Variants in COL23A1 observed in about 807,000 individuals in gnomAD.
COL23A1 encodes the protein collagen type XXIII alpha 1 chain.
COL23A1 carries 97 observed loss-of-function variants against 99.3 expected under a neutral mutation model. That is an observed-to-expected ratio of 0.98 (90% CI 0.83 to 1.16). The LOEUF (loss-of-function observed/expected upper bound fraction) is 1.16, where lower values mean the gene tolerates loss of function less well. Ranked by LOEUF, COL23A1 falls within the 50% of genes most tolerant of loss-of-function variation. COL23A1 has a pLI of 0.00. For synonymous variants in COL23A1, 320 were observed against 308.2 expected (o/e 1.04, Z -0.40); for missense variants, 762 against 757.4 (o/e 1.01, Z -0.07).
chr5:178,301,956 G>T (rs1397552491), intron 3 of COL23A1, among the ~76,000 whole-genome samples: 1 of 38,862 alleles, frequency 2.6e-5, no homozygotes, highest in Non-Finnish European at 7.0e-5. Context: ...CTTCAATGCT[G>T]CACCTCTGTG....
Position 178,313,830 on chromosome 5 carries a change from G to A in COL23A1, c.362-6911C>T, listed in dbSNP as rs1758833720. Among the ~76,000 whole-genome samples, 1 of 152,116 alleles carries A rather than the reference G, an allele frequency of 6.6e-6. No homozygotes were observed. The highest frequency in any genetic ancestry group is 1.5e-5 in the Non-Finnish European group (1 of 68,016). ...TTGCTGGGGCTTCAGGGCCATCAGGGGGTGCACCTTGAGCAGAGAAGGCAA... is the reference window on the plus strand; with the variant it reads ...TTGCTGGGGCTTCAGGGCCATCAGGAGGTGCACCTTGAGCAGAGAAGGCAA... On this transcript the variant is annotated intron_variant, in intron 2 of 28. Coordinates refer to ENST00000390654, the MANE Select transcript of COL23A1 (RefSeq NM_173465.4). The surrounding 1 kb of genome is among the most constrained non-coding windows in gnomAD (Gnocchi z 4.2).
chr5:178,442,376 G>A (rs997581440), intron 2 of COL23A1, among the ~76,000 whole-genome samples: 4 of 152,138 alleles, frequency 2.6e-5, no homozygotes, highest in Admixed American at 1.3e-4. Flanking sequence ...AAAGATCACC[G>A]CCATCTCCAC....
intron 2 of COL23A1, among the ~76,000 whole-genome samples, chr5:178,518,673 G>A (rs539436847): frequency 0.046 from 5,219 of 113,846 alleles, 105 homozygotes; most frequent in African/African-American, 0.059. Flanking sequence ...GCGGCCGGGC[G>A]GAGACGCTCC....
At chr5:178,358,327 T>TA (rs1480538644) in intron 2 of COL23A1, among the ~76,000 whole-genome samples, 1 of 151,206 alleles carries the variant, frequency 6.6e-6, no homozygotes, top group Non-Finnish European at 1.5e-5. Context: ...TGTGTATGTG[T>TA]ATGTATGTCT....
intron 2 of COL23A1, among the ~76,000 whole-genome samples, chr5:178,496,215 ACT>A (rs1200289375): frequency 1.3e-4 from 19 of 151,878 alleles, no homozygotes; most frequent in Admixed American, 1.2e-3. Flanking sequence ...GTGTTAGTAT[ACT>A]CTCAACTCTC....
At chr5:178,400,447 G>A (rs992556098) in intron 2 of COL23A1, among the ~76,000 whole-genome samples, 1 of 97,422 alleles carries the variant, frequency 1.0e-5, no homozygotes, top group Admixed American at 1.2e-4. Flanking sequence ...TTTGACAATC[G>A]AGACACAGAA....
chr5:178,309,594 G>C lies in COL23A1; in HGVS notation c.362-2675C>G, dbSNP rs1013589621. 2.0e-5 allele frequency among the ~76,000 whole-genome samples: 3 copies of C among 151,972 alleles called. No homozygotes were observed. Among genetic ancestry groups the C allele is most frequent in the African/African-American group, 7.3e-5 (3 of 41,326 alleles). ...GTACCTAAATGTCCAACTCCACTGG[G>C]AGGCACCACTTCCAAACTCAAGCTC... On this transcript the variant is annotated intron_variant, in intron 2 of 28. Transcript: ENST00000390654. This position sits in a 1 kb window ranked among gnomAD's most constrained non-coding sequence, Gnocchi z 4.7.
intron 17 of COL23A1, among the ~76,000 whole-genome samples, chr5:178,250,611 T>A (rs1367126272): frequency 6.6e-6 from 1 of 152,206 alleles, no homozygotes; most frequent in Non-Finnish European, 1.5e-5. Context: ...TGTGTGCATA[T>A]AAAACATTCA....
intron 2 of COL23A1, among the ~76,000 whole-genome samples, chr5:178,443,637 T>TC (rs397883501): frequency 6.6e-6 from 1 of 151,516 alleles, no homozygotes; most frequent in Non-Finnish European, 1.5e-5. Context: ...TTTTTTTTTT[T>TC]CGTACAGACG....
chr5:178,508,535 A>T (rs1435273562), intron 2 of COL23A1, among the ~76,000 whole-genome samples: 1 of 152,178 alleles, frequency 6.6e-6, no homozygotes, highest in Non-Finnish European at 1.5e-5. Flanking sequence ...GGGGGGTGCC[A>T]CTGTGTTGCT....
chr5:178,445,561 T>C (rs983176499), intron 2 of COL23A1, among the ~76,000 whole-genome samples: 1 of 151,980 alleles, frequency 6.6e-6, no homozygotes, highest in Non-Finnish European at 1.5e-5. Flanking sequence ...CTGAAAAGAG[T>C]TGACATCTAA....
In COL23A1 at chr5:178,238,335, T is replaced by G. The variant is rs1764218928; in HGVS notation, c.*363A>C. The G allele has an allele frequency of 4.3e-6, 1 of 234,322 alleles. No individual in the cohort carries two copies. The highest frequency in any genetic ancestry group is 6.9e-5 in the South Asian group (1 of 14,476). The allele number at this position is 234,322 out of a possible 1,614,324, so 14.5% of individuals were successfully genotyped here. ...GTGTGTCCCAGGGACTCCAGAGTTT[T>G]GCGGGGGCAGGTTCTTACAGGGCAG... On this transcript the variant is annotated 3_prime_UTR_variant, in exon 29 of 29. Transcript: ENST00000390654.
chr5:178,572,573 A>G (rs1763161920), intron 1 of COL23A1, among the ~76,000 whole-genome samples: 1 of 152,228 alleles, frequency 6.6e-6, no homozygotes, highest in Non-Finnish European at 1.5e-5. Context: ...ATTGTCCTAC[A>G]CTGCTGGTGG....
chr5:178,555,274 C>T (rs558933510), intron 2 of COL23A1, among the ~76,000 whole-genome samples: 95 of 152,276 alleles, frequency 6.2e-4, no homozygotes, highest in African/African-American at 2.0e-3. Flanking sequence ...CATTCTGAAG[C>T]CCTGAGGGTT....
At chr5:178,358,284 G>A (rs896248452) in intron 2 of COL23A1, among the ~76,000 whole-genome samples, 7 of 120,640 alleles carry the variant, frequency 5.8e-5, no homozygotes, top group African/African-American at 2.1e-4. Context: ...GTGTGTATGC[G>A]TGTGCGTATA....
chr5:178,304,839 A>G (rs1444783574), intron 3 of COL23A1, among the ~76,000 whole-genome samples: 1 of 152,170 alleles, frequency 6.6e-6, no homozygotes, highest in African/African-American at 2.4e-5. Context: ...AGTGGGTATA[A>G]TAACATATTC....
intron 2 of COL23A1, among the ~76,000 whole-genome samples, chr5:178,389,469 C>T (rs1763849031): frequency 1.3e-5 from 2 of 152,192 alleles, no homozygotes; most frequent in Admixed American, 6.5e-5. Flanking sequence ...ACCCAGATGG[C>T]GAGACATTCA....
At chr5:178,345,141 T>G in intron 2 of COL23A1, 1 of 635,868 alleles carries the variant, frequency 1.6e-6, no homozygotes, top group South Asian at 1.4e-5. Flanking sequence ...AAGTTCAATC[T>G]CTTGGCACAT....
At chr5:178,456,489 G>C (rs1234856992) in intron 2 of COL23A1, among the ~76,000 whole-genome samples, 1 of 152,110 alleles carries the variant, frequency 6.6e-6, no homozygotes, top group Non-Finnish European at 1.5e-5. Flanking sequence ...ACCTGAGGTC[G>C]GGAGTTCGAG....
Sources: allele counts gnomAD v4.1 joint callset (sites outside exome capture counted in the v4.1 genomes callset), GRCh38; gene constraint gnomAD v4.1.1; non-coding constraint Gnocchi (gnomAD v3.1); transcripts MANE v1.5; gene names NCBI Gene and HGNC (gene_info 2026-07-23, HGNC 2026-07-21).